Variants in CCNH observed in about 807,000 individuals in gnomAD.
CCNH encodes the protein cyclin H.
CCNH carries 31 observed loss-of-function variants against 41.9 expected under a neutral mutation model. The ratio of observed to expected loss-of-function variants is 0.74; its 90% CI spans 0.56 to 1.00. The LOEUF is 1.00. Ranked by LOEUF, CCNH falls within the 50% of genes least tolerant of loss-of-function variation. The probability of loss-of-function intolerance (pLI) is 0.00; values close to 1 mark genes in which losing one functional copy is unlikely to be tolerated. For missense variants in CCNH, 362 were observed against 388.4 expected (o/e 0.93, Z 0.57); for synonymous variants, 138 against 136.1 (o/e 1.01, Z -0.10).
At chr5:87,312,511 T>C in the CCNH span, among the ~76,000 whole-genome samples, 1 of 152,236 alleles carries the variant, frequency 6.6e-6, no homozygotes, top group East Asian at 1.9e-4. Context: ...TTGACAGCTA[T>C]AACCTACAGA....
chr5:87,400,004 A>C (rs1480754336), intron 6 of CCNH, among the ~76,000 whole-genome samples: 1 of 152,240 alleles, frequency 6.6e-6, no homozygotes, highest in Non-Finnish European at 1.5e-5. Flanking sequence ...CTTTAACAAA[A>C]CGCAAACCCT....
At chr5:87,372,161 G>A (rs1423385321), downstream of CCNH, 1 of 1,613,676 alleles carries the variant, frequency 6.2e-7, no homozygotes, top group South Asian at 1.1e-5. Flanking sequence ...TTACGGAAAA[G>A]TAGTCCAGGG....
At chr5:87,395,176 C>T (rs1762841571) in intron 7 of CCNH, 72 bp from the exon 8 acceptor site, 1 of 1,365,860 alleles carries the variant, frequency 7.3e-7, no homozygotes, top group African/African-American at 1.4e-5. Flanking sequence ...AATAAACTAG[C>T]AAGGCTATAG....
intron 7 of CCNH, among the ~76,000 whole-genome samples, chr5:87,398,211 A>G (rs562773448): frequency 3.5e-4 from 54 of 152,296 alleles, no homozygotes; most frequent in Non-Finnish European, 6.6e-4. Flanking sequence ...TAATAAAACA[A>G]CCTCATATTC....
chr5:87,400,785 G>A (rs1416616148), intron 6 of CCNH, among the ~76,000 whole-genome samples: 2 of 152,254 alleles, frequency 1.3e-5, no homozygotes, highest in South Asian at 2.1e-4. Flanking sequence ...TACACAAGAA[G>A]GTTTGGAAAC....
At chr5:87,404,797 T>C (rs774221726) in intron 5 of CCNH, 47 bp downstream of exon 5, 9 of 1,405,942 alleles carry the variant, frequency 6.4e-6, no homozygotes, top group African/African-American at 1.5e-5. Context: ...TATGAATAAA[T>C]AAACCCAGTG....
upstream of CCNH, among the ~76,000 whole-genome samples, chr5:87,382,158 G>T (rs1328222324): frequency 6.6e-6 from 1 of 152,090 alleles, no homozygotes; most frequent in East Asian, 1.9e-4. Flanking sequence ...GACCATGTTG[G>T]CCAGGCTGGT....
Position 87,412,703 on chromosome 5 carries a change from C to A in CCNH, c.92G>T (p.Arg31Ile), listed in dbSNP as rs1764358011. 6.2e-7 allele frequency: 1 copy of A among 1,614,058 alleles called. No individual in the cohort carries two copies. The highest frequency in any genetic ancestry group is 1.1e-5 in the South Asian group (1 of 91,080). Residue 31 changes from arginine to isoleucine, a missense_variant, in exon 1 of 9, where the codon AGA becomes ATA. By Grantham distance (97) the Arg-to-Ile change is moderately conservative (BLOSUM62 -3). Coordinates refer to ENST00000256897, the MANE Select transcript of CCNH (RefSeq NM_001239.4). The stretch of plus-strand genomic sequence containing the variant: ...CTTCCCGTTGGCCACGGCTTTGCAT[C>A]TGAATTTGCGGTTGGCGTCAGCCCG... ...RLRADANRKF[R>I]CKAVANGKVL...
At chr5:87,360,914 A>G (rs1407888536) in intron 9 of CCNH, among the ~76,000 whole-genome samples, 1 of 152,170 alleles carries the variant, frequency 6.6e-6, no homozygotes, top group East Asian at 1.9e-4. Context: ...GCAGAAAATA[A>G]AGAGTTCTGA....
At chr5:87,338,533 A>AT (rs1491365794) in intron 9 of CCNH, among the ~76,000 whole-genome samples, 22,327 of 89,352 alleles carry the variant, frequency 0.25, 3,690 homozygotes, top group Middle Eastern at 0.3. Context: ...ATATATATAT[A>AT]AAATTTTTTT....
chr5:87,331,028 A>G (rs1340871956), intron 9 of CCNH: 2 of 1,325,480 alleles, frequency 1.5e-6, no homozygotes, highest in East Asian at 2.6e-5. Context: ...TATTTTTCTA[A>G]GTAAAGATCT....
At chr5:87,379,604 G>GA, upstream of CCNH, 7 of 1,282,602 alleles carry the variant, frequency 5.5e-6, no homozygotes, top group Non-Finnish European at 7.3e-6. Flanking sequence ...ATTATACAAA[G>GA]AAAAAAGATC....
upstream of CCNH, chr5:87,379,639 T>TA: frequency 6.7e-7 from 1 of 1,501,872 alleles, no homozygotes; most frequent in Non-Finnish European, 8.9e-7. Context: ...TACCGAAAAA[T>TA]AGACAACCTC....
chr5:87,361,786 A>G (rs1760113964), intron 9 of CCNH, among the ~76,000 whole-genome samples: 1 of 152,174 alleles, frequency 6.6e-6, no homozygotes, highest in Admixed American at 6.5e-5. Flanking sequence ...ACACTTAGAA[A>G]TTTCATCAGG....
At chr5:87,324,623 TGAGATA>T (rs767745848) in intron 9 of CCNH, among the ~76,000 whole-genome samples, 7 of 152,230 alleles carry the variant, frequency 4.6e-5, no homozygotes, top group Non-Finnish European at 7.3e-5. Flanking sequence ...TAACTTGATC[TGAGATA>T]AATACATACA....
intron 9 of CCNH, chr5:87,353,325 A>G: frequency 2.0e-6 from 2 of 1,005,320 alleles, no homozygotes. Context: ...GTACAATTCA[A>G]ATTGGATACA....
downstream of CCNH, among the ~76,000 whole-genome samples, chr5:87,318,014 A>T (rs867309056): frequency 1.3e-5 from 2 of 151,910 alleles, no homozygotes; most frequent in African/African-American, 4.8e-5. Context: ...CCTTTATAAT[A>T]GATAGTTGTA....
intron 9 of CCNH, among the ~76,000 whole-genome samples, chr5:87,351,736 T>TA (rs759691088): frequency 7.9e-5 from 12 of 151,850 alleles, no homozygotes; most frequent in Non-Finnish European, 1.5e-4. Flanking sequence ...GAGTAATTTT[T>TA]AAAAAAACTC....
intron 1 of CCNH, 93 bp from the exon 2 acceptor site, chr5:87,411,439 T>C (rs988259148): frequency 2.4e-6 from 3 of 1,273,176 alleles, no homozygotes; most frequent in African/African-American, 3.0e-5. Flanking sequence ...ATTTAGTTTA[T>C]ATATCCAACG....
Sources: gnomAD v4.1 joint callset for allele counts (sites outside exome capture counted in the v4.1 genomes callset) on GRCh38, gnomAD v4.1.1 for gene constraint, MANE v1.5 for transcripts, NCBI Gene and HGNC (gene_info 2026-07-23, HGNC 2026-07-21) for gene names.